Variants in ARHGEF38 observed in about 807,000 individuals in gnomAD.
ARHGEF38 encodes the protein Rho guanine nucleotide exchange factor (GEF) 38.
Under a neutral mutation model 79.9 loss-of-function variants are expected in ARHGEF38, and 79 were observed. The ratio of observed to expected loss-of-function variants is 0.99; its 90% confidence interval spans 0.82 to 1.19. ARHGEF38 has a LOEUF of 1.19. ARHGEF38 is among the 50% of genes most tolerant of loss of function. ARHGEF38 has a pLI of 0.00. For synonymous variants in ARHGEF38, 366 were observed against 328.3 expected (o/e 1.11, Z -1.24); for missense variants, 962 against 907.2 (o/e 1.06, Z -0.78).
At chr4:105,568,604 G>A (rs1726057572) in intron 1 of ARHGEF38, among the ~76,000 whole-genome samples, 1 of 152,148 alleles carries the variant, frequency 6.6e-6, no homozygotes, top group African/African-American at 2.4e-5. Flanking sequence ...AATATTCTTT[G>A]ATTTGTATGT....
At chr4:105,617,140 A>G (rs1228394013) in intron 3 of ARHGEF38, among the ~76,000 whole-genome samples, 2 of 152,220 alleles carry the variant, frequency 1.3e-5, no homozygotes, top group African/African-American at 4.8e-5. Flanking sequence ...AATTCACAGA[A>G]CCAAAGAAAA....
At chr4:105,642,512 G>A (rs1729662323) in intron 5 of ARHGEF38, among the ~76,000 whole-genome samples, 1 of 152,076 alleles carries the variant, frequency 6.6e-6, no homozygotes, top group South Asian at 2.1e-4. Flanking sequence ...TTGGTTTTTT[G>A]ATAGATCTGG....
intron 1 of ARHGEF38, among the ~76,000 whole-genome samples, chr4:105,578,961 C>T (rs1254552444): frequency 6.6e-6 from 1 of 151,994 alleles, no homozygotes; most frequent in Non-Finnish European, 1.5e-5. Context: ...TAGATACTTT[C>T]AGTTTTTCTC....
At chr4:105,650,561 C>G (rs750575732) in intron 7 of ARHGEF38, among the ~76,000 whole-genome samples, 16 of 152,200 alleles carry the variant, frequency 1.1e-4, no homozygotes, top group Non-Finnish European at 1.9e-4. Context: ...AGGTTCTGGT[C>G]TAGACTTTCT....
At chr4:105,586,097 T>G (rs796763677) in intron 1 of ARHGEF38, among the ~76,000 whole-genome samples, 64 of 152,180 alleles carry the variant, frequency 4.2e-4, no homozygotes, top group African/African-American at 1.5e-3. Flanking sequence ...GCGATATGTG[T>G]TGGCAATATT....
intron 2 of ARHGEF38, among the ~76,000 whole-genome samples, chr4:105,606,944 A>G (rs1050788205): frequency 6.6e-6 from 1 of 152,126 alleles, no homozygotes; most frequent in African/African-American, 2.4e-5. Context: ...AATTTTCTAC[A>G]GTGACATGAA....
chr4:105,671,236 G>A (rs971073487), intron 13 of ARHGEF38, among the ~76,000 whole-genome samples: 1 of 152,078 alleles, frequency 6.6e-6, no homozygotes, highest in Non-Finnish European at 1.5e-5. Flanking sequence ...ATCTTGGATC[G>A]GTAGCACATG....
chr4:105,673,822 G>A (rs747764197), intron 13 of ARHGEF38, among the ~76,000 whole-genome samples: 1 of 151,808 alleles, frequency 6.6e-6, no homozygotes, highest in East Asian at 1.9e-4. Context: ...TTTCTTCATC[G>A]AAATTGCTCG....
intron 3 of ARHGEF38, among the ~76,000 whole-genome samples, chr4:105,613,783 T>C (rs1213802776): frequency 6.6e-6 from 1 of 151,914 alleles, no homozygotes; most frequent in Admixed American, 6.6e-5. Flanking sequence ...TGTTCTGTAA[T>C]TTTTTTTAAT....
At chr4:105,675,543 G>T (rs1466756743) in intron 13 of ARHGEF38, among the ~76,000 whole-genome samples, 3 of 152,004 alleles carry the variant, frequency 2.0e-5, no homozygotes, top group African/African-American at 7.2e-5. Flanking sequence ...ATAAATATTT[G>T]AATATTCCTA....
intron 3 of ARHGEF38, among the ~76,000 whole-genome samples, chr4:105,620,550 G>A (rs1483460002): frequency 6.6e-6 from 1 of 152,098 alleles, no homozygotes; most frequent in African/African-American, 2.4e-5. Context: ...TTTTCTGTAT[G>A]TAACAAGTGA....
intron 3 of ARHGEF38, among the ~76,000 whole-genome samples, chr4:105,621,597 G>T (rs1344579858): frequency 6.6e-6 from 1 of 152,190 alleles, no homozygotes; most frequent in Non-Finnish European, 1.5e-5. Flanking sequence ...AATGTTTCTT[G>T]TAGGTCCCTG....
At chr4:105,558,358 T>C (rs1355556963) in intron 1 of ARHGEF38, among the ~76,000 whole-genome samples, 1 of 152,200 alleles carries the variant, frequency 6.6e-6, no homozygotes, top group East Asian at 1.9e-4. Flanking sequence ...TTCCTGTGCA[T>C]GTTTCTATCC....
chr4:105,586,961 C>T (rs1481034450), intron 1 of ARHGEF38, among the ~76,000 whole-genome samples: 1 of 130,476 alleles, frequency 7.7e-6, no homozygotes. Context: ...TTATGTTGTA[C>T]ATCTTGAATA....
At chr4:105,631,535 A>G (rs1175738007) in intron 4 of ARHGEF38, 2 of 985,298 alleles carry the variant, frequency 2.0e-6, no homozygotes, top group East Asian at 1.1e-4. Context: ...CAGAACAATT[A>G]CTCATGCCTT....
intron 7 of ARHGEF38, 146 bp from the exon 8 acceptor site, chr4:105,653,919 T>G (rs1220207735): frequency 1.3e-5 from 5 of 389,972 alleles, no homozygotes; most frequent in African/African-American, 8.1e-5. Context: ...AGAGAAAGTA[T>G]GTGTTAAGAC....
intron 7 of ARHGEF38, among the ~76,000 whole-genome samples, chr4:105,652,680 T>C (rs1730154004): frequency 6.6e-6 from 1 of 151,874 alleles, no homozygotes; most frequent in Admixed American, 6.6e-5. Context: ...CCAGATGATA[T>C]ACAAAATAAA....
chr4:105,679,506 G>T lies in ARHGEF38; in HGVS notation c.*1569G>T. 1 of 1,465,796 alleles carries T rather than the reference G, an allele frequency of 6.8e-7. No individual in the cohort carries two copies. The highest frequency in any genetic ancestry group is 9.5e-7 in the Non-Finnish European group (1 of 1,047,698). The allele number at this position is 1,465,796 out of a possible 1,614,324, so 90.8% of individuals were successfully genotyped here. ...CTTATCAGAGTTGATTAAAGATCATGGTTCAAAGCTTGATACACCAGAAAT... is the reference window on the plus strand; with the variant it reads ...CTTATCAGAGTTGATTAAAGATCATTGTTCAAAGCTTGATACACCAGAAAT... On this transcript the variant is annotated 3_prime_UTR_variant, in exon 14 of 14. Transcript: ENST00000420470.
intron 3 of ARHGEF38, among the ~76,000 whole-genome samples, chr4:105,614,439 T>C (rs1325443016): frequency 1.3e-5 from 2 of 152,160 alleles, no homozygotes; most frequent in East Asian, 1.9e-4. Context: ...ACACAAACAC[T>C]TTATGTCTTT....
Sources: allele counts gnomAD v4.1 joint callset (sites outside exome capture counted in the v4.1 genomes callset), GRCh38; gene constraint gnomAD v4.1.1; transcripts MANE v1.5; gene names NCBI Gene and HGNC (gene_info 2026-07-23, HGNC 2026-07-21).